The following CACNA1C variants were observed in gnomAD, a reference collection of about 807,000 sequenced individuals.
CACNA1C encodes the protein calcium voltage-gated channel subunit alpha1 C.
In CACNA1C, 30 loss-of-function variants were observed where a neutral mutation model predicts 229.0. The ratio of observed to expected loss-of-function variants is 0.13; its 90% CI spans 0.10 to 0.18. The LOEUF (loss-of-function observed/expected upper bound fraction) is 0.18. CACNA1C is among the 10% of genes least tolerant of loss of function. The pLI, the probability that CACNA1C is intolerant of heterozygous loss-of-function variation, is 1.00. For missense variants in CACNA1C, 1,658 were observed against 2,845.0 expected (o/e 0.58, Z 9.49); for synonymous variants, 1,114 against 1,132.5 (o/e 0.98, Z 0.33).
At position 2,460,217 on chromosome 12, in the gene CACNA1C, G is replaced by A. The variant is rs74053436; in HGVS notation, c.757+2511G>A. On this transcript the variant is annotated intron_variant, in intron 5 of 46. Coordinates refer to ENST00000399655, the MANE Select transcript of CACNA1C (RefSeq NM_000719.7). ...ACAAAATGGGGCTTAGAGCCAAACC[G>A]CACTAGCAACTTAAGGCTTATGCTT... Among the ~76,000 whole-genome samples the A allele has an allele frequency of 9.2e-3, 1,408 of 152,318 alleles. 24 individuals carry two copies. Among genetic ancestry groups the A allele is most frequent in the African/African-American group, 0.032 (1,332 of 41,570 alleles).
intron 3 of CACNA1C, among the ~76,000 whole-genome samples, chr12:2,172,139 G>A (rs1183965589): frequency 3.3e-5 from 5 of 152,286 alleles, no homozygotes; most frequent in African/African-American, 4.8e-5. Context: ...CCACCCTAAC[G>A]ACTGCAGTCT....
rs369863266 is a variant in CACNA1C, at chr12:2,605,035, C to T, written c.2961-46C>T. Reference sequence around the variant, plus strand: ...CCTTACCACATTATTTTTGCTCCCCCCAGAAACAGGAGGAGCTTACTACCC... The same window carrying T: ...CCTTACCACATTATTTTTGCTCCCCTCAGAAACAGGAGGAGCTTACTACCC... On this transcript the variant is annotated intron_variant, in intron 22 of 46. Coordinates refer to ENST00000399655, the MANE Select transcript of CACNA1C (RefSeq NM_000719.7). The surrounding 1 kb of genome is among the most constrained non-coding windows in gnomAD (Gnocchi z 6.2). The T allele has an allele frequency of 4.2e-6, 6 of 1,432,744 alleles. No homozygotes were observed. The African/African-American group carries it at 4.2e-5, about 10-fold the overall frequency. The allele number at this position is 1,432,744 out of a possible 1,614,324, so 88.8% of individuals were successfully genotyped here.
chr12:2,150,934 A>T (rs904554595), intron 3 of CACNA1C, among the ~76,000 whole-genome samples: 1 of 152,246 alleles, frequency 6.6e-6, no homozygotes, highest in Non-Finnish European at 1.5e-5. Flanking sequence ...ACTTCTGGGC[A>T]GGTGCCAAGG....
At chr12:2,413,574 G>A (rs143396544) in intron 3 of CACNA1C, among the ~76,000 whole-genome samples, 247 of 152,262 alleles carry the variant, frequency 1.6e-3, no homozygotes, top group African/African-American at 5.7e-3. Flanking sequence ...CCGCTATCCC[G>A]AAACCTCCTA....
chr12:2,220,825 T>C (rs2061272709), intron 3 of CACNA1C: 1 of 152,254 alleles, frequency 6.6e-6, no homozygotes, highest in African/African-American at 2.4e-5. Flanking sequence ...GATGATGCTG[T>C]GCTTGGCGCT....
At position 1,971,003 on chromosome 12, in the gene CACNA1C, G is replaced by A; in HGVS notation, c.-60G>A. 4 of 1,110,568 alleles carry A rather than the reference G, an allele frequency of 3.6e-6. No homozygotes were observed. The highest frequency in any genetic ancestry group is 4.7e-6 in the Non-Finnish European group (4 of 846,472). The allele number at this position is 1,110,568 out of a possible 1,614,324, so 68.8% of individuals were successfully genotyped here. A position where few individuals can be genotyped will look rare whatever the true frequency, so the allele number is the denominator to read the frequency against. ...GTTTTAAAAAATTATAAGAGATCAT[G>A]AGCAGGATAATTATTTAGCTTTAAA... On this transcript the variant is annotated 5_prime_UTR_variant, in exon 1 of 47. Transcript: ENST00000682462. This position sits in a 1 kb window ranked among gnomAD's most constrained non-coding sequence, Gnocchi z 4.2.
At chr12:2,536,696 G>A (rs950881102) in intron 9 of CACNA1C, among the ~76,000 whole-genome samples, 3 of 152,120 alleles carry the variant, frequency 2.0e-5, no homozygotes, top group Admixed American at 1.3e-4. Flanking sequence ...ATGCATGGTG[G>A]TGCATGCCTG....
chr12:2,074,746 T>G (rs1223850220), intron 1 of CACNA1C, among the ~76,000 whole-genome samples: 1 of 152,088 alleles, frequency 6.6e-6, no homozygotes, highest in Non-Finnish European at 1.5e-5. Flanking sequence ...GGGTGGAAAA[T>G]TTTGTTTGGA....
chr12:2,527,005 G>A (rs1016244082), intron 9 of CACNA1C, among the ~76,000 whole-genome samples: 8 of 152,254 alleles, frequency 5.3e-5, no homozygotes, highest in Admixed American at 1.3e-4. Flanking sequence ...GAAATTTAAA[G>A]GTTTATCCTT....
chr12:2,557,022 C>G, intron 11 of CACNA1C, 45 bp downstream of exon 11: 1 of 1,566,570 alleles, frequency 6.4e-7, no homozygotes, highest in Non-Finnish European at 8.8e-7. Context: ...GCCACCAGCT[C>G]TGTCTTCAGC....
chr12:2,428,258 T>C (rs1413467359), intron 3 of CACNA1C, among the ~76,000 whole-genome samples: 1 of 152,190 alleles, frequency 6.6e-6, no homozygotes, highest in Non-Finnish European at 1.5e-5. Context: ...AACCCCTGCT[T>C]TAACCAGGTC....
At position 2,116,435 on chromosome 12, in the gene CACNA1C, C is replaced by T. The variant is rs527556931; in HGVS notation, c.371+890C>T. 8.7e-4 allele frequency among the ~76,000 whole-genome samples: 131 copies of T among 151,360 alleles called. 1 individual carries two copies. Among genetic ancestry groups the T allele is most frequent in the Middle Eastern group, 6.8e-3 (2 of 292 alleles). On this transcript the variant is annotated intron_variant, in intron 2 of 46. Coordinates refer to ENST00000399655, the MANE Select transcript of CACNA1C (RefSeq NM_000719.7). ...CACCCAGGCTGGAGTGCAGTGGTGC[C>T]GTCTCGGCTCACTGCAAGCTCCTGG...
At position 2,608,780 on chromosome 12, in the gene CACNA1C, C is replaced by A; in HGVS notation, c.3558+68C>A. The A allele has an allele frequency of 6.6e-7, 1 of 1,505,244 alleles. No individual in the cohort carries two copies. Among genetic ancestry groups the A allele is most frequent in the African/African-American group, 1.4e-5 (1 of 72,800 alleles). The allele number at this position is 1,505,244 out of a possible 1,614,324, so 93.2% of individuals were successfully genotyped here. Reference sequence around the variant, plus strand: ...GGGAATGGCAGCCTGCGGCCCACCCCGCAGAGGGGCTGCGACAGGGAGAGG... The same window carrying A: ...GGGAATGGCAGCCTGCGGCCCACCCAGCAGAGGGGCTGCGACAGGGAGAGG... On this transcript the variant is annotated intron_variant, in intron 27 of 46. Transcript: ENST00000399655. The surrounding 1 kb of genome is among the most constrained non-coding windows in gnomAD (Gnocchi z 4.2).
At chr12:2,282,840 T>G (rs2091743553) in intron 3 of CACNA1C, among the ~76,000 whole-genome samples, 1 of 152,240 alleles carries the variant, frequency 6.6e-6, no homozygotes, top group Non-Finnish European at 1.5e-5. Context: ...CAGCTCAAGA[T>G]GCCACTGAGA....
chr12:2,336,601 A>G (rs2096703683), intron 3 of CACNA1C, among the ~76,000 whole-genome samples: 1 of 152,232 alleles, frequency 6.6e-6, no homozygotes, highest in Non-Finnish European at 1.5e-5. Context: ...AAACACGCAA[A>G]TGAAAACAAC....
chr12:2,101,015 AAAG>A (rs2076214799), intron 1 of CACNA1C, among the ~76,000 whole-genome samples: 1 of 151,894 alleles, frequency 6.6e-6, no homozygotes, highest in African/African-American at 2.4e-5. Context: ...AAAAAAAAAA[AAAG>A]AAAAAAGAAA....
rs998321654 is a variant in CACNA1C at position 2,689,151 on chromosome 12, G to C, written c.6117+372G>C. The stretch of plus-strand genomic sequence containing the variant: ...ATCACCTGGGGAGCTTTGGAAACCC[G>C]GGACAGATTAACTGATGATTGTTAA... On this transcript the variant is annotated intron_variant, in intron 46 of 46. Transcript: ENST00000399655. The surrounding 1 kb of genome is among the most constrained non-coding windows in gnomAD (Gnocchi z 4.2). Among the ~76,000 whole-genome samples, 6 of 152,164 alleles carry C rather than the reference G, an allele frequency of 3.9e-5. No homozygotes were observed. Among genetic ancestry groups the C allele is most frequent in the Non-Finnish European group, 7.3e-5 (5 of 68,042 alleles).
intron 1 of CACNA1C, among the ~76,000 whole-genome samples, chr12:2,112,213 C>T (rs2082035843): frequency 6.6e-6 from 1 of 152,178 alleles, no homozygotes; most frequent in African/African-American, 2.4e-5. Context: ...GACACGCATG[C>T]TTGCTGGGTG....
chr12:2,192,740 G>A (rs954597359), intron 3 of CACNA1C, among the ~76,000 whole-genome samples: 1 of 135,786 alleles, frequency 7.4e-6, no homozygotes, highest in Non-Finnish European at 1.6e-5. Flanking sequence ...TCCTCCACAC[G>A]GTACCTGGCA....
Sources: allele counts gnomAD v4.1 joint callset (sites outside exome capture counted in the v4.1 genomes callset), GRCh38; gene constraint gnomAD v4.1.1; non-coding constraint Gnocchi (gnomAD v3.1); transcripts MANE v1.5; gene names NCBI Gene and HGNC (gene_info 2026-07-23, HGNC 2026-07-21).